Variants in P4HA1 observed in about 807,000 individuals in gnomAD.
P4HA1 encodes the protein prolyl 4-hydroxylase subunit alpha 1, also known as prolyl 4-hydroxylase subunit alpha-1.
A neutral mutation model predicts 72.8 loss-of-function variants in P4HA1; 24 were observed. The ratio of observed to expected loss-of-function variants is 0.33; its 90% CI spans 0.24 to 0.46. The LOEUF (loss-of-function observed/expected upper bound fraction) is 0.46, where lower values mean the gene tolerates loss of function less well. P4HA1 is among the 20% of genes least tolerant of loss of function. The pLI is 1.00. For synonymous variants in P4HA1, 201 were observed against 218.8 expected (o/e 0.92, Z 0.72); for missense variants, 446 against 640.6 (o/e 0.70, Z 3.28).
intron 9 of P4HA1, among the ~76,000 whole-genome samples, chr10:73,037,569 ATATTTTTT>A (rs1208588611): frequency 2.2e-4 from 6 of 26,732 alleles, no homozygotes; most frequent in African/African-American, 8.9e-4. Context: ...ATATATATAT[ATATTTTTT>A]TTTTTTTTTT....
At chr10:73,078,600 ATTT>A (rs770821126) in intron 1 of P4HA1, among the ~76,000 whole-genome samples, 3 of 99,700 alleles carry the variant, frequency 3.0e-5, no homozygotes, top group Middle Eastern at 5.2e-3. Context: ...GCAGTAGGTA[ATTT>A]TTTTTTTTTT....
chr10:73,080,259 C>A (rs532244198), intron 1 of P4HA1, among the ~76,000 whole-genome samples: 7 of 152,214 alleles, frequency 4.6e-5, no homozygotes, highest in African/African-American at 1.4e-4. Flanking sequence ...ACATGCCTAC[C>A]CAAGCTAGAT....
At chr10:73,028,514 C>T (rs1320316469) in intron 10 of P4HA1, among the ~76,000 whole-genome samples, 1 of 152,092 alleles carries the variant, frequency 6.6e-6, no homozygotes, top group Admixed American at 6.5e-5. Context: ...TCACCGCAAC[C>T]TCCACCTCCT....
intron 9 of P4HA1, among the ~76,000 whole-genome samples, chr10:73,036,938 G>C (rs1343179191): frequency 6.6e-6 from 1 of 151,976 alleles, no homozygotes; most frequent in Non-Finnish European, 1.5e-5. Flanking sequence ...TCCTGTGTTA[G>C]ATTAAATCAT....
At chr10:73,041,731 T>TCC (rs1209467956) in intron 9 of P4HA1, among the ~76,000 whole-genome samples, 1 of 152,060 alleles carries the variant, frequency 6.6e-6, no homozygotes, top group African/African-American at 2.4e-5. Context: ...TTAGATCATA[T>TCC]CCCCTTTGTT....
chr10:73,045,057 A>C lies in P4HA1; in HGVS notation c.1078-6T>G. ...GAAATGGTGGCTCGCCTCAGCTGTGAAGCCAACCATCAAAATAGTTGCATT... is the reference window on the plus strand; with the variant it reads ...GAAATGGTGGCTCGCCTCAGCTGTGCAGCCAACCATCAAAATAGTTGCATT... On this transcript the variant is annotated splice_region_variant and splice_polypyrimidine_tract_variant and intron_variant, in intron 8 of 14. Coordinates refer to ENST00000394890, the MANE Select transcript of P4HA1 (RefSeq NM_001017962.3). 6.2e-7 allele frequency: 1 copy of C among 1,612,434 alleles called. No homozygotes were observed. Among genetic ancestry groups the C allele is most frequent in the Non-Finnish European group, 8.5e-7 (1 of 1,178,738 alleles).
At chr10:73,078,947 C>A (rs1841765691) in intron 1 of P4HA1, among the ~76,000 whole-genome samples, 2 of 151,896 alleles carry the variant, frequency 1.3e-5, no homozygotes, top group South Asian at 4.2e-4. Flanking sequence ...TTTTCCAGAC[C>A]TCCTATAATA....
intron 10 of P4HA1, among the ~76,000 whole-genome samples, chr10:73,023,902 C>T (rs922099664): frequency 5.9e-5 from 9 of 151,666 alleles, no homozygotes; most frequent in African/African-American, 9.7e-5. Flanking sequence ...AAGGCCATTA[C>T]GTAATGGTAT....
chr10:73,095,227 T>TTAA (rs1398125356), intron 1 of P4HA1, among the ~76,000 whole-genome samples: 11 of 67,344 alleles, frequency 1.6e-4, no homozygotes, highest in Admixed American at 1.1e-3. Context: ...GCTCACAAGC[T>TTAA]AAAAAAAAAA....
At chr10:73,076,486 TA>T (rs201711615) in intron 1 of P4HA1, among the ~76,000 whole-genome samples, 1 of 151,504 alleles carries the variant, frequency 6.6e-6, no homozygotes, top group Non-Finnish European at 1.5e-5. Context: ...GTGTTCTATG[TA>T]AAAAAAAACT....
At position 73,016,908 on chromosome 10, in the gene P4HA1, A is replaced by G. The variant is rs1374622062; in HGVS notation, c.1249-9T>C. 3 of 1,607,426 alleles carry G rather than the reference A, an allele frequency of 1.9e-6. No homozygotes were observed. Among genetic ancestry groups the G allele is most frequent in the Non-Finnish European group, 2.6e-6 (3 of 1,174,514 alleles). ...ACTCCATAATTTGCTACCTGAAGGA[A>G]AGACACAAAGCATGAAAGAAAAGAA... On this transcript the variant is annotated splice_polypyrimidine_tract_variant and intron_variant, in intron 10 of 14. Transcript: ENST00000394890.
chr10:73,082,128 T>C (rs1335064024), intron 1 of P4HA1, among the ~76,000 whole-genome samples: 3 of 152,236 alleles, frequency 2.0e-5, no homozygotes, highest in African/African-American at 7.2e-5. Context: ...ATAGGCTTTG[T>C]TAGATGATTT....
intron 9 of P4HA1, among the ~76,000 whole-genome samples, chr10:73,040,476 ATTT>A (rs1217054869): frequency 1.6e-5 from 2 of 123,578 alleles, no homozygotes; most frequent in Non-Finnish European, 1.6e-5. Context: ...GAATTCATGA[ATTT>A]TTTTTTTTTT....
At chr10:73,093,856 A>AATAAAT (rs1842089919) in intron 1 of P4HA1, among the ~76,000 whole-genome samples, 1 of 62,334 alleles carries the variant, frequency 1.6e-5, no homozygotes, top group African/African-American at 8.5e-5. Context: ...AAAAAAAAAA[A>AATAAAT]AAAAAAAAAA....
At chr10:73,047,349 C>G (rs976879907) in intron 7 of P4HA1, among the ~76,000 whole-genome samples, 5 of 151,850 alleles carry the variant, frequency 3.3e-5, no homozygotes, top group Admixed American at 6.6e-5. Context: ...GGTAGTGTAT[C>G]TCTTTTAACC....
intron 7 of P4HA1, among the ~76,000 whole-genome samples, chr10:73,050,093 G>T (rs761767779): frequency 1.3e-5 from 2 of 151,750 alleles, no homozygotes; most frequent in Non-Finnish European, 2.9e-5. Context: ...TTGAACCCAG[G>T]AGGCGGAGGT....
At chr10:73,051,891 C>T (rs201634826) in intron 6 of P4HA1, among the ~76,000 whole-genome samples, 5 of 152,136 alleles carry the variant, frequency 3.3e-5, no homozygotes, top group African/African-American at 7.2e-5. Flanking sequence ...TAAAATCTTA[C>T]TCATCCTACT....
At position 73,053,409 on chromosome 10, in the gene P4HA1, T is replaced by C; in HGVS notation, c.645A>G (p.Val215=). 1 of 1,614,082 alleles carries C rather than the reference T, an allele frequency of 6.2e-7. No homozygotes were observed. Among genetic ancestry groups the C allele is most frequent in the Non-Finnish European group, 8.5e-7 (1 of 1,179,900 alleles). ...CCTTATCCAGGTCTCCCTGCTGATATACCGCATAGCTCAAATAATCTAGAA... is the reference window on the plus strand; with the variant it reads ...CCTTATCCAGGTCTCCCTGCTGATACACCGCATAGCTCAAATAATCTAGAA... The part of the protein sequence containing the change: ...VSVLDYLSYA[V]YQQGDLDKAL... Residue 215 remains valine (V), a synonymous_variant, in exon 6 of 15, where the codon GTA becomes GTG. Coordinates refer to ENST00000394890, the MANE Select transcript of P4HA1 (RefSeq NM_001017962.3).
intron 1 of P4HA1, among the ~76,000 whole-genome samples, chr10:73,084,582 G>T (rs1028716723): frequency 2.0e-5 from 3 of 152,214 alleles, no homozygotes; most frequent in Non-Finnish European, 4.4e-5. Context: ...CCAATGTGCT[G>T]GGATTACAGA....
Sources: allele counts gnomAD v4.1 joint callset (sites outside exome capture counted in the v4.1 genomes callset), GRCh38; gene constraint gnomAD v4.1.1; transcripts MANE v1.5; gene names NCBI Gene and HGNC (gene_info 2026-07-23, HGNC 2026-07-21).